Variants in ITGA2 observed in about 807,000 individuals in gnomAD.
The protein encoded by ITGA2 is integrin subunit alpha 2.
A neutral mutation model predicts 146.3 loss-of-function variants in ITGA2; 101 were observed. The observed-to-expected ratio is 0.69, with a 90% CI of 0.59 to 0.81. ITGA2 has a LOEUF of 0.81. ITGA2 is among the 40% of genes least tolerant of loss of function. The pLI, the probability that ITGA2 is intolerant of heterozygous loss-of-function variation, is 0.00. For synonymous variants in ITGA2, 477 were observed against 487.1 expected, an observed-to-expected ratio of 0.98 and a Z score of 0.27; for missense variants, 1,281 against 1,402.7, an observed-to-expected ratio of 0.91 and a Z score of 1.39.
At chr5:53,029,686 T>A (rs1383717012) in intron 2 of ITGA2, among the ~76,000 whole-genome samples, 1 of 152,238 alleles carries the variant, frequency 6.6e-6, no homozygotes, top group Non-Finnish European at 1.5e-5. Context: ...GCTCATTATC[T>A]GTCTCCTGCC....
intron 14 of ITGA2, 138 bp downstream of exon 14, chr5:53,065,253 C>T: frequency 1.1e-6 from 1 of 871,430 alleles, no homozygotes; most frequent in Non-Finnish European, 1.9e-6. Context: ...ATAAAGTGAG[C>T]CTCTACTGTG....
At chr5:53,047,169 T>C (rs1036084709) in intron 4 of ITGA2, among the ~76,000 whole-genome samples, 1 of 152,174 alleles carries the variant, frequency 6.6e-6, no homozygotes, top group African/African-American at 2.4e-5. Flanking sequence ...CTGGGTCAAA[T>C]AAGTTTTCTT....
rs751724472 is a variant in ITGA2, at chr5:53,073,273, C to A, written c.2571+14C>A. The A allele has an allele frequency of 6.2e-7, 1 of 1,611,642 alleles. No individual in the cohort carries two copies. Among genetic ancestry groups the A allele is most frequent in the Non-Finnish European group, 8.5e-7 (1 of 1,178,244 alleles). On this transcript the variant is annotated intron_variant, in intron 20 of 29. Transcript: ENST00000296585. Reference sequence around the variant, plus strand: ...TTCTCCCTGCCGGTATGTGATGAGACCCTGTACTTACTTCCACCATGCTTC... The same window carrying A: ...TTCTCCCTGCCGGTATGTGATGAGAACCTGTACTTACTTCCACCATGCTTC...
chr5:53,078,629 G>A, intron 23 of ITGA2, 143 bp from the exon 24 acceptor site: 1 of 641,614 alleles, frequency 1.6e-6, no homozygotes, highest in East Asian at 2.8e-5. Flanking sequence ...CCATAGGCAA[G>A]CATTTCTTTT....
intron 2 of ITGA2, among the ~76,000 whole-genome samples, chr5:53,032,323 A>G (rs1250297843): frequency 2.0e-5 from 3 of 152,208 alleles, no homozygotes; most frequent in Non-Finnish European, 4.4e-5. Context: ...GTTTAATTCT[A>G]TAACAGACAT....
intron 15 of ITGA2, 51 bp from the exon 16 acceptor site, chr5:53,067,067 C>G (rs767393287): frequency 3.2e-6 from 5 of 1,573,812 alleles, no homozygotes; most frequent in South Asian, 1.1e-5. Flanking sequence ...GGATATAATA[C>G]GTGTGCTCAG....
chr5:53,092,258 G>C lies in ITGA2; in HGVS notation c.*1659G>C, dbSNP rs1740463304. ...CAGAGTCCTCATTATAAAATGGGAA[G>C]ACTGAGCTGGAGTTCAGCAGTGATG... On this transcript the variant is annotated 3_prime_UTR_variant, in exon 30 of 30. Transcript: ENST00000296585. The C allele has an allele frequency of 6.6e-6, 1 of 152,170 alleles. No individual in the cohort carries two copies. Among genetic ancestry groups the C allele is most frequent in the Non-Finnish European group, 1.5e-5 (1 of 68,024 alleles). The allele number at this position is 152,170 out of a possible 1,614,324, so 9.4% of individuals were successfully genotyped here.
In ITGA2 at chr5:53,091,084, A is replaced by T; in HGVS notation, c.*485A>T. On this transcript the variant is annotated 3_prime_UTR_variant, in exon 30 of 30. Transcript: ENST00000296585. ...GAATATTGATGTTAACAAGAGGGGA[A>T]AACAAAACACAGGTTTTTTCAATTT... 1 of 229,112 alleles carries T rather than the reference A, an allele frequency of 4.4e-6. No individual in the cohort carries two copies. The highest frequency in any genetic ancestry group is 8.5e-6 in the Non-Finnish European group (1 of 118,012). The allele number at this position is 229,112 out of a possible 1,614,324, so 14.2% of individuals were successfully genotyped here. A position where few individuals can be genotyped will look rare whatever the true frequency, so the allele number is the denominator to read the frequency against.
intron 16 of ITGA2, among the ~76,000 whole-genome samples, chr5:53,068,638 T>TTAAA (rs1434585255): frequency 2.0e-5 from 3 of 152,024 alleles, no homozygotes; most frequent in South Asian, 2.1e-4. Context: ...TAAATCTTTT[T>TTAAA]TCCTGATGCC....
At chr5:53,011,931 T>C (rs1414435833) in intron 1 of ITGA2, among the ~76,000 whole-genome samples, 1 of 152,140 alleles carries the variant, frequency 6.6e-6, no homozygotes, top group Non-Finnish European at 1.5e-5. Flanking sequence ...ATGTAAGTAA[T>C]GAGTGTATTT....
Position 53,062,652 on chromosome 5 carries a change from C to G in ITGA2, c.1459-134C>G, listed in dbSNP as rs548237159. ...TGAGGGAAGGAACTGTGCTCTCTGT[C>G]TTCATGTTCCAAGCACTTTGCAAAT... On this transcript the variant is annotated intron_variant, in intron 12 of 29. Transcript: ENST00000296585. 18 of 897,678 alleles carry G rather than the reference C, an allele frequency of 2.0e-5. 1 individual carries two copies. In the Admixed American group the frequency reaches 3.2e-4, roughly 16 times the overall value. 55.6% of individuals were successfully genotyped at this position (897,678 alleles called of 1,614,324 possible). A position where few individuals can be genotyped will look rare whatever the true frequency, so the allele number is the denominator to read the frequency against.
chr5:53,049,520 T>G (rs1264234216), intron 6 of ITGA2, among the ~76,000 whole-genome samples: 1 of 152,220 alleles, frequency 6.6e-6, no homozygotes, highest in Non-Finnish European at 1.5e-5. Flanking sequence ...GATAATATTT[T>G]ATAGTTATTT....
Position 53,090,513 on chromosome 5 carries a change from T to A in ITGA2, c.3466-6T>A, listed in dbSNP as rs1289279676. The A allele has an allele frequency of 8.7e-6, 14 of 1,613,404 alleles. No individual in the cohort carries two copies. The highest frequency in any genetic ancestry group is 1.2e-5 in the Non-Finnish European group (14 of 1,179,630). On this transcript the variant is annotated splice_region_variant and splice_polypyrimidine_tract_variant and intron_variant, in intron 29 of 29. Transcript: ENST00000296585. ...TGGTAACATTCTTATATCATCACCT[T>A]TACAGCTCGGCTTCTTCAAAAGAAA...
chr5:53,033,835 C>T lies in ITGA2; in HGVS notation c.185+6967C>T, dbSNP rs549541773. Among the ~76,000 whole-genome samples, 4 of 151,440 alleles carry T rather than the reference C, an allele frequency of 2.6e-5. No homozygotes were observed. In the East Asian group the frequency reaches 7.8e-4, roughly 30 times the overall value. ...ATGGAGTGCAGTAGGGCAATCTCGG[C>T]TCACTGCAAGCTCCGCCTCCTGGGT... is the stretch of plus-strand genomic sequence containing the variant. On this transcript the variant is annotated intron_variant, in intron 2 of 29. Transcript: ENST00000296585.
At chr5:53,030,039 G>A (rs1419537274) in intron 2 of ITGA2, among the ~76,000 whole-genome samples, 6 of 152,148 alleles carry the variant, frequency 3.9e-5, no homozygotes, top group Non-Finnish European at 5.9e-5. Context: ...CATTATTGAA[G>A]GTGATAAGCC....
chr5:53,091,857 T>C lies in ITGA2; in HGVS notation c.*1258T>C. 1 of 152,194 alleles carries C rather than the reference T, an allele frequency of 6.6e-6. No individual in the cohort carries two copies. The highest frequency in any genetic ancestry group is 1.9e-4 in the East Asian group (1 of 5,202). The allele number at this position is 152,194 out of a possible 1,614,324, so 9.4% of individuals were successfully genotyped here. A position where few individuals can be genotyped will look rare whatever the true frequency, so the allele number is the denominator to read the frequency against. On this transcript the variant is annotated 3_prime_UTR_variant, in exon 30 of 30. Transcript: ENST00000296585. The stretch of plus-strand genomic sequence containing the variant: ...TGTAAACAATGTAAAGTAAGACATC[T>C]CAGGATTTCACCAGAAGTTACAGAT...
At chr5:53,007,637 T>C (rs753141891) in intron 1 of ITGA2, among the ~76,000 whole-genome samples, 1 of 152,184 alleles carries the variant, frequency 6.6e-6, no homozygotes, top group Non-Finnish European at 1.5e-5. Context: ...CTTTCTTCTG[T>C]ATTTCACTGT....
chr5:53,020,372 T>G (rs1037940006), intron 1 of ITGA2, among the ~76,000 whole-genome samples: 1 of 152,140 alleles, frequency 6.6e-6, no homozygotes, highest in East Asian at 1.9e-4. Context: ...ATGTGACCAT[T>G]TGAGTTACTG....
At chr5:53,027,013 G>C in intron 2 of ITGA2, 145 bp downstream of exon 2, 1 of 722,180 alleles carries the variant, frequency 1.4e-6, no homozygotes, top group South Asian at 1.7e-5. Context: ...CTTTCTTTGA[G>C]AGTTGACAAC....
Sources: gnomAD v4.1 joint callset for allele counts (sites outside exome capture counted in the v4.1 genomes callset) on GRCh38, gnomAD v4.1.1 for gene constraint, MANE v1.5 for transcripts, NCBI Gene and HGNC (gene_info 2026-07-23, HGNC 2026-07-21) for gene names.